The following PTPN13 variants were observed in gnomAD, a reference collection of about 807,000 sequenced individuals.
PTPN13 encodes the protein tyrosine-protein phosphatase non-receptor type 13.
A neutral mutation model predicts 284.0 loss-of-function variants in PTPN13; 191 were observed. The ratio of observed to expected loss-of-function variants is 0.67; its 90% CI spans 0.60 to 0.76. The LOEUF is 0.76. Ranked by LOEUF, PTPN13 falls within the 30% of genes least tolerant of loss-of-function variation. The pLI is 0.00. For synonymous variants in PTPN13, 986 were observed against 1,022.3 expected (o/e 0.96, Z 0.68); for missense variants, 2,797 against 2,939.9 (o/e 0.95, Z 1.12).
At chr4:86,636,442 A>C (rs1011483550) in intron 2 of PTPN13, among the ~76,000 whole-genome samples, 2 of 152,204 alleles carry the variant, frequency 1.3e-5, no homozygotes, top group African/African-American at 4.8e-5. Context: ...TGAAAAAACC[A>C]AGCGTCATCT....
At chr4:86,772,731 G>A (rs750565800) in intron 31 of PTPN13, 47 bp from the exon 32 acceptor site, 27 of 1,457,914 alleles carry the variant, frequency 1.9e-5, no homozygotes, top group Admixed American at 6.4e-5. Flanking sequence ...TAACCATATT[G>A]ACATTGAAAT....
chr4:86,814,776 A>C lies in PTPN13; in HGVS notation c.*225A>C. ...ATTTACAAAATTTTAACACTAACCA[A>C]ACAATGCAGATCTTAGGGATGATTA... On this transcript the variant is annotated 3_prime_UTR_variant, in exon 48 of 48. Coordinates refer to ENST00000411767, the MANE Select transcript of PTPN13 (RefSeq NM_080683.3). 2.2e-6 allele frequency: 1 copy of C among 444,668 alleles called. No homozygotes were observed. The highest frequency in any genetic ancestry group is 4.1e-6 in the Non-Finnish European group (1 of 246,110). The allele number at this position is 444,668 out of a possible 1,614,324, so 27.5% of individuals were successfully genotyped here.
intron 44 of PTPN13, among the ~76,000 whole-genome samples, chr4:86,805,825 C>A (rs1744589984): frequency 6.6e-6 from 1 of 151,992 alleles, no homozygotes; most frequent in Admixed American, 6.6e-5. Flanking sequence ...GTACTACCAG[C>A]CTACATTAGA....
At chr4:86,691,061 T>C (rs1469482748) in intron 5 of PTPN13, among the ~76,000 whole-genome samples, 1 of 151,940 alleles carries the variant, frequency 6.6e-6, no homozygotes, top group East Asian at 1.9e-4. Flanking sequence ...TATGACTGCA[T>C]TGAAAAATAG....
Position 86,635,243 on chromosome 4 carries a change from G to A in PTPN13, c.-5-9G>A. 2 of 1,583,370 alleles carry A rather than the reference G, an allele frequency of 1.3e-6. No homozygotes were observed. Among genetic ancestry groups the A allele is most frequent in the East Asian group, 4.6e-5 (2 of 43,456 alleles). On this transcript the variant is annotated splice_polypyrimidine_tract_variant and intron_variant, in intron 1 of 47. Transcript: ENST00000411767. The stretch of plus-strand genomic sequence containing the variant: ...GATGCATAGACCATCTGTTACCTTT[G>A]TTTCCCAGGTAATATGCACGTGTCA...
intron 7 of PTPN13, among the ~76,000 whole-genome samples, chr4:86,709,269 C>G (rs1732111163): frequency 6.6e-6 from 1 of 152,068 alleles, no homozygotes; most frequent in South Asian, 2.1e-4. Context: ...TTTCTCTCAC[C>G]TCCCCAGTTT....
At chr4:86,772,709 T>G (rs575530682) in intron 31 of PTPN13, 69 bp from the exon 32 acceptor site, 1 of 1,296,218 alleles carries the variant, frequency 7.7e-7, no homozygotes, top group South Asian at 1.7e-5. Context: ...GTTTTCTGTT[T>G]CTGGCACAAA....
intron 1 of PTPN13, among the ~76,000 whole-genome samples, chr4:86,609,178 A>G (rs746625651): frequency 8.5e-5 from 13 of 152,110 alleles, no homozygotes; most frequent in East Asian, 3.9e-4. Context: ...CTTCACATCT[A>G]TTTTTTTCTT....
chr4:86,758,093 A>G (rs1467381138), intron 20 of PTPN13, among the ~76,000 whole-genome samples, 167 bp from the exon 21 acceptor site: 1 of 152,200 alleles, frequency 6.6e-6, no homozygotes, highest in Non-Finnish European at 1.5e-5. Flanking sequence ...ATAAATTATA[A>G]ATCACTATAA....
intron 1 of PTPN13, among the ~76,000 whole-genome samples, chr4:86,595,126 C>T (rs1333253345): frequency 2.0e-5 from 3 of 152,114 alleles, no homozygotes; most frequent in Non-Finnish European, 2.9e-5. Flanking sequence ...GACATTGCCC[C>T]GTCGTGCTTG....
chr4:86,782,993 A>G (rs1164736220), intron 37 of PTPN13, among the ~76,000 whole-genome samples: 3 of 152,198 alleles, frequency 2.0e-5, no homozygotes, highest in Non-Finnish European at 4.4e-5. Flanking sequence ...CATCCCATAC[A>G]ATATGTTCTG....
Position 86,764,616 on chromosome 4 carries a change from A to G in PTPN13, c.4041A>G (p.Thr1347=). ...AGGAATCTTCCTCTTCAGTGAATAC[A>G]TCCAACAAGATGAATTTTAAAACTT... ...PKQESSSSVN[T]SNKMNFKTFS... Residue 1347 remains threonine (T), a synonymous_variant, in exon 25 of 48, where the codon ACA becomes ACG. Transcript: ENST00000411767. 2 of 1,543,886 alleles carry G rather than the reference A, an allele frequency of 1.3e-6. No homozygotes were observed. Among genetic ancestry groups the G allele is most frequent in the Non-Finnish European group, 1.8e-6 (2 of 1,142,660 alleles).
At chr4:86,663,745 G>A (rs1413879706) in intron 2 of PTPN13, among the ~76,000 whole-genome samples, 1 of 152,116 alleles carries the variant, frequency 6.6e-6, no homozygotes. Context: ...TTTGTAGTTG[G>A]AAATTACTGA....
intron 9 of PTPN13, 34 bp downstream of exon 9, chr4:86,717,151 C>T: frequency 7.2e-7 from 1 of 1,398,514 alleles, no homozygotes; most frequent in Non-Finnish European, 1.0e-6. Context: ...GATACATTTC[C>T]AGTGACCAGT....
chr4:86,812,309 CAAAAAAAAAAAAA>C (rs555017151), intron 47 of PTPN13, among the ~76,000 whole-genome samples: 5 of 58,728 alleles, frequency 8.5e-5, no homozygotes, highest in African/African-American at 1.8e-4. Flanking sequence ...GACTCCGTCT[CAAAAAAAAAAAAA>C]AAAAAAAAAA....
At chr4:86,609,689 A>G (rs1217761395) in intron 1 of PTPN13, among the ~76,000 whole-genome samples, 3 of 152,138 alleles carry the variant, frequency 2.0e-5, no homozygotes, top group East Asian at 1.9e-4. Flanking sequence ...CATGTTTCAC[A>G]CTTTTAACCT....
chr4:86,601,029 T>C (rs1010005427), intron 1 of PTPN13, among the ~76,000 whole-genome samples: 1 of 152,084 alleles, frequency 6.6e-6, no homozygotes, highest in Non-Finnish European at 1.5e-5. Context: ...CACAATCTGT[T>C]CTAATTTTAT....
At chr4:86,797,900 A>C (rs1053224055) in intron 41 of PTPN13, among the ~76,000 whole-genome samples, 1 of 152,078 alleles carries the variant, frequency 6.6e-6, no homozygotes, top group Admixed American at 6.5e-5. Flanking sequence ...GGGGACTTCA[A>C]AAAGTTCATG....
chr4:86,661,299 G>A, intron 2 of PTPN13: 1 of 246,400 alleles, frequency 4.1e-6, no homozygotes, highest in Non-Finnish European at 8.1e-6. Context: ...TTCAGATTTT[G>A]TGACTAAGGC....
Sources: gnomAD v4.1 joint callset for allele counts (sites outside exome capture counted in the v4.1 genomes callset) on GRCh38, gnomAD v4.1.1 for gene constraint, MANE v1.5 for transcripts, NCBI Gene and HGNC (gene_info 2026-07-23, HGNC 2026-07-21) for gene names.